Variants in MEIS1 observed in about 807,000 individuals in gnomAD.
The protein encoded by MEIS1 is Meis homeobox 1.
Under a neutral mutation model 50.8 loss-of-function variants are expected in MEIS1, and 5 were observed. The ratio of observed to expected loss-of-function variants is 0.10; its 90% CI spans 0.05 to 0.21. MEIS1 has a LOEUF of 0.21. Ranked by LOEUF, MEIS1 falls within the 10% of genes least tolerant of loss-of-function variation. MEIS1 has a pLI of 1.00. For missense variants in MEIS1, 318 were observed against 517.3 expected (o/e 0.61, Z 3.74); for synonymous variants, 176 against 179.3 (o/e 0.98, Z 0.15).
At chr2:66,516,934 T>C (rs1292896260) in intron 8 of MEIS1, among the ~76,000 whole-genome samples, 4 of 152,180 alleles carry the variant, frequency 2.6e-5, no homozygotes, top group Admixed American at 2.6e-4. Flanking sequence ...AATGAAAAAG[T>C]ACATCTAATT....
chr2:66,439,619 A>G, intron 2 of MEIS1: 1 of 1,537,326 alleles, frequency 6.5e-7, no homozygotes, highest in Non-Finnish European at 8.7e-7. Context: ...CGATCCTCAG[A>G]TACCGTCCAT....
chr2:66,505,893 C>A (rs1299976015), intron 7 of MEIS1, among the ~76,000 whole-genome samples: 4 of 152,144 alleles, frequency 2.6e-5, no homozygotes, highest in Non-Finnish European at 5.9e-5. Context: ...AAATGTATTT[C>A]TTCCATGTTT....
chr2:66,444,231 G>A (rs751157490), intron 6 of MEIS1, among the ~76,000 whole-genome samples: 5 of 148,736 alleles, frequency 3.4e-5, no homozygotes, highest in Non-Finnish European at 5.9e-5. Context: ...GACTCGGCAC[G>A]TGAGTCCAGA....
In MEIS1 at chr2:66,435,772, G is replaced by A. The variant is rs1297006550; in HGVS notation, c.-85G>A. 1.2e-6 allele frequency: 1 copy of A among 864,196 alleles called. No individual in the cohort carries two copies. Among genetic ancestry groups the A allele is most frequent in the Non-Finnish European group, 1.7e-6 (1 of 578,284 alleles). The allele number at this position is 864,196 out of a possible 1,614,324, so 53.5% of individuals were successfully genotyped here. A position where few individuals can be genotyped will look rare whatever the true frequency, so the allele number is the denominator to read the frequency against. On this transcript the variant is annotated 5_prime_UTR_variant, in exon 1 of 13. Transcript: ENST00000272369. ...TTTTTTTTTTTTTTTTTTTTTCCGG[G>A]GGAGTTTGAATATTTGTTTCTTTTC...
At chr2:66,439,598 A>T (rs1671897460) in intron 2 of MEIS1, 2 of 1,532,912 alleles carry the variant, frequency 1.3e-6, no homozygotes, top group African/African-American at 2.7e-5. Flanking sequence ...CTCCGGCCAG[A>T]TACGCTAAAC....
chr2:66,526,494 A>G (rs1346592181), intron 8 of MEIS1, among the ~76,000 whole-genome samples: 3 of 152,182 alleles, frequency 2.0e-5, no homozygotes, highest in Non-Finnish European at 4.4e-5. Context: ...ATCACTATAA[A>G]AATAAGCTTA....
chr2:66,521,369 T>C (rs1674116207), intron 8 of MEIS1, among the ~76,000 whole-genome samples: 1 of 151,948 alleles, frequency 6.6e-6, no homozygotes, highest in South Asian at 2.1e-4. Flanking sequence ...GATTTTTTTT[T>C]TTTGCCTGTC....
At chr2:66,527,156 T>C (rs1218605167) in intron 8 of MEIS1, among the ~76,000 whole-genome samples, 2 of 152,230 alleles carry the variant, frequency 1.3e-5, no homozygotes, top group African/African-American at 4.8e-5. Flanking sequence ...TTTAAAAGAT[T>C]ATTAATTGTT....
intron 2 of MEIS1, chr2:66,439,065 TTTC>T (rs149035640): frequency 0.48 from 65,047 of 134,272 alleles, 13,021 homozygotes; most frequent in South Asian, 0.62. Context: ...CTTTTCTTTC[TTTC>T]TTCTTCTTCT....
rs1553373612 is a variant in MEIS1 at position 66,475,148 on chromosome 2, AT to A, written c.742+10929del. On this transcript the variant is annotated intron_variant, in intron 7 of 12. Transcript: ENST00000272369. ...CATATATATATACACATATATATAT[AT>A]AAATATATGAATATAAATATCATTT... is the stretch of plus-strand genomic sequence containing the variant. 2.7e-5 allele frequency among the ~76,000 whole-genome samples: 4 copies of A among 147,496 alleles called. No individual in the cohort carries two copies. The South Asian group carries it at 6.3e-4, about 23-fold the overall frequency.
chr2:66,484,819 C>G (rs558570346), intron 7 of MEIS1, among the ~76,000 whole-genome samples: 58 of 152,224 alleles, frequency 3.8e-4, no homozygotes, highest in African/African-American at 1.4e-3. Flanking sequence ...CTTGGCCTGC[C>G]AAAGTGCTGG....
intron 6 of MEIS1, among the ~76,000 whole-genome samples, chr2:66,460,247 A>G (rs1256514037): frequency 1.3e-5 from 2 of 152,150 alleles, no homozygotes; most frequent in African/African-American, 4.8e-5. Context: ...CTGAGCTAGG[A>G]AAGGAGAAGA....
At chr2:66,512,015 C>G in intron 7 of MEIS1, 134 bp from the exon 8 acceptor site, 2 of 1,089,936 alleles carry the variant, frequency 1.8e-6, no homozygotes, top group Non-Finnish European at 1.2e-6. Context: ...CAAAACACAA[C>G]AAAAAAACAG....
At chr2:66,528,353 C>A (rs1038714520) in intron 8 of MEIS1, among the ~76,000 whole-genome samples, 3 of 152,130 alleles carry the variant, frequency 2.0e-5, no homozygotes, top group Admixed American at 1.3e-4. Flanking sequence ...CTTCCAGCTC[C>A]AATGCTTTAT....
chr2:66,494,946 G>A (rs1673361680), intron 7 of MEIS1, among the ~76,000 whole-genome samples: 1 of 152,104 alleles, frequency 6.6e-6, no homozygotes. Flanking sequence ...GTGGCCCGGT[G>A]TTGCGAAATT....
intron 8 of MEIS1, among the ~76,000 whole-genome samples, chr2:66,513,637 A>G (rs1673886788): frequency 6.6e-6 from 1 of 152,132 alleles, no homozygotes; most frequent in South Asian, 2.1e-4. Flanking sequence ...TCTTCCCATA[A>G]TAATTCCAAA....
chr2:66,512,324 C>T (rs747566622), intron 8 of MEIS1, 30 bp downstream of exon 8: 2 of 1,590,604 alleles, frequency 1.3e-6, no homozygotes, highest in Admixed American at 1.8e-5. Flanking sequence ...CATATATAAA[C>T]TAAATATGGA....
chr2:66,456,119 A>G (rs1672381551), intron 6 of MEIS1, among the ~76,000 whole-genome samples: 1 of 152,156 alleles, frequency 6.6e-6, no homozygotes, highest in Admixed American at 6.5e-5. Context: ...TTGAAAAATT[A>G]TCATTTTTGT....
rs76211364 is a variant in MEIS1, at chr2:66,478,730, A to T, written c.742+14510A>T. On this transcript the variant is annotated intron_variant, in intron 7 of 12. Coordinates refer to ENST00000272369, the MANE Select transcript of MEIS1 (RefSeq NM_002398.3). Reference sequence around the variant, plus strand: ...AACAATTCCAAATAGACACACGCACACATAACCGTAGAATTGGTTTTCAGG... The same window carrying T: ...AACAATTCCAAATAGACACACGCACTCATAACCGTAGAATTGGTTTTCAGG... 8.5e-5 allele frequency among the ~76,000 whole-genome samples: 13 copies of T among 152,342 alleles called. No individual in the cohort carries two copies. In the East Asian group the frequency reaches 2.3e-3, roughly 27 times the overall value.
Sources: gnomAD v4.1 joint callset for allele counts (sites outside exome capture counted in the v4.1 genomes callset) on GRCh38, gnomAD v4.1.1 for gene constraint, MANE v1.5 for transcripts, NCBI Gene and HGNC (gene_info 2026-07-23, HGNC 2026-07-21) for gene names.